The following FHIT variants were observed in gnomAD, a reference collection of about 807,000 sequenced individuals.
FHIT encodes the protein fragile histidine triad diadenosine triphosphatase.
A neutral mutation model predicts 17.9 loss-of-function variants in FHIT; 19 were observed. The observed-to-expected ratio is 1.06, with a 90% confidence interval of 0.74 to 1.56. FHIT has a LOEUF of 1.56. Ranked by LOEUF, FHIT falls within the 40% of genes most tolerant of loss-of-function variation. The probability of loss-of-function intolerance (pLI) is 0.00; values close to 1 mark genes in which losing one functional copy is unlikely to be tolerated. For missense variants in FHIT, 248 were observed against 189.2 expected, an observed-to-expected ratio of 1.31 and a Z score of -1.82; for synonymous variants, 81 against 69.7, an observed-to-expected ratio of 1.16 and a Z score of -0.81.
At chr3:59,995,663 T>C (rs954791563) in intron 7 of FHIT, among the ~76,000 whole-genome samples, 1 of 152,142 alleles carries the variant, frequency 6.6e-6, no homozygotes, top group Admixed American at 6.6e-5. Context: ...TTAGGCACCA[T>C]GCTTTGGAGA....
intron 5 of FHIT, among the ~76,000 whole-genome samples, chr3:60,164,458 C>T (rs893001842): frequency 3.3e-5 from 5 of 152,200 alleles, no homozygotes; most frequent in South Asian, 2.1e-4. Context: ...CACCATCCCA[C>T]GTTTCCGTGA....
chr3:61,165,237 C>T (rs1301074735), intron 2 of FHIT, among the ~76,000 whole-genome samples: 2 of 152,164 alleles, frequency 1.3e-5, no homozygotes, highest in East Asian at 3.9e-4. Flanking sequence ...CAGTGGCTGA[C>T]CTAATTTACA....
At chr3:60,936,135 T>G (rs1418668978) in intron 3 of FHIT, among the ~76,000 whole-genome samples, 2 of 152,264 alleles carry the variant, frequency 1.3e-5, no homozygotes, top group Non-Finnish European at 2.9e-5. Flanking sequence ...CTTAGTCCAT[T>G]AAAAATTAAT....
At chr3:59,992,708 G>C (rs1699337461) in intron 7 of FHIT, among the ~76,000 whole-genome samples, 1 of 152,070 alleles carries the variant, frequency 6.6e-6, no homozygotes, top group Non-Finnish European at 1.5e-5. Flanking sequence ...GCTTTGTGCA[G>C]AGAACAGCAG....
intron 5 of FHIT, among the ~76,000 whole-genome samples, chr3:60,145,621 A>G (rs1008680261): frequency 1.3e-5 from 2 of 152,190 alleles, no homozygotes; most frequent in African/African-American, 4.8e-5. Context: ...CATAGGATTC[A>G]CATGTGCAAA....
chr3:60,254,648 T>C (rs1705894555), intron 5 of FHIT, among the ~76,000 whole-genome samples: 1 of 152,174 alleles, frequency 6.6e-6, no homozygotes, highest in South Asian at 2.1e-4. Context: ...AGGAGTAATG[T>C]GGTATTTGGA....
chr3:59,784,973 G>A (rs1702769796), intron 8 of FHIT, among the ~76,000 whole-genome samples: 1 of 151,990 alleles, frequency 6.6e-6, no homozygotes, highest in Admixed American at 6.5e-5. Flanking sequence ...GCATCATGGG[G>A]AGGCCTCAGG....
intron 5 of FHIT, among the ~76,000 whole-genome samples, chr3:60,273,806 A>G (rs1430423794): frequency 6.6e-6 from 1 of 152,172 alleles, no homozygotes; most frequent in Non-Finnish European, 1.5e-5. Flanking sequence ...TGTAGATGAG[A>G]GCTGAGTCTT....
At chr3:60,824,698 G>T (rs1054611507) in intron 3 of FHIT, among the ~76,000 whole-genome samples, 1 of 152,062 alleles carries the variant, frequency 6.6e-6, no homozygotes, top group Admixed American at 6.5e-5. Flanking sequence ...AATCATGGGG[G>T]TGGGTCTCTC....
At chr3:60,553,546 GA>G (rs2036641592) in intron 4 of FHIT, among the ~76,000 whole-genome samples, 2 of 147,140 alleles carry the variant, frequency 1.4e-5, no homozygotes, top group South Asian at 2.1e-4. Flanking sequence ...GAGAGAGAGA[GA>G]GAGAGAGAGA....
intron 5 of FHIT, among the ~76,000 whole-genome samples, chr3:60,052,364 G>A (rs1701915716): frequency 6.6e-6 from 1 of 152,072 alleles, no homozygotes; most frequent in African/African-American, 2.4e-5. Context: ...CACAGGTCAT[G>A]TACTAAAGGG....
intron 4 of FHIT, among the ~76,000 whole-genome samples, chr3:60,781,676 A>G (rs550984793): frequency 4.7e-4 from 72 of 152,288 alleles, no homozygotes; most frequent in South Asian, 1.9e-3. Context: ...TTGTGAAAAT[A>G]TCACAATATA....
intron 5 of FHIT, among the ~76,000 whole-genome samples, chr3:60,397,557 G>A (rs1033284951): frequency 1.3e-5 from 2 of 152,190 alleles, no homozygotes; most frequent in Non-Finnish European, 2.9e-5. Context: ...ATCAAGGATA[G>A]CAGTAGCTGA....
intron 5 of FHIT, among the ~76,000 whole-genome samples, chr3:60,117,718 G>A (rs201701758): frequency 6.6e-6 from 1 of 152,064 alleles, no homozygotes; most frequent in Non-Finnish European, 1.5e-5. Context: ...GAATGCAGAT[G>A]AGCTGATTCC....
chr3:60,569,755 A>ACATATATATATATATATATTTT (rs1553654910), intron 4 of FHIT, among the ~76,000 whole-genome samples: 6 of 77,340 alleles, frequency 7.8e-5, no homozygotes, highest in African/African-American at 1.9e-4. Context: ...ATATATATAT[A>ACATATATATATATATATATTTT]TTTTTTTTTT....
intron 3 of FHIT, among the ~76,000 whole-genome samples, chr3:60,836,271 T>G (rs1702538162): frequency 6.6e-6 from 1 of 152,170 alleles, no homozygotes; most frequent in African/African-American, 2.4e-5. Flanking sequence ...GTTTTTCATA[T>G]CTGAGTAATA....
intron 8 of FHIT, among the ~76,000 whole-genome samples, chr3:59,820,455 A>T (rs903984128): frequency 6.6e-6 from 1 of 152,242 alleles, no homozygotes; most frequent in African/African-American, 2.4e-5. Flanking sequence ...CTTAGCAAAG[A>T]AGAGTTACTG....
intron 5 of FHIT, among the ~76,000 whole-genome samples, chr3:60,336,960 A>G (rs1043515094): frequency 3.3e-5 from 5 of 152,014 alleles, no homozygotes; most frequent in African/African-American, 1.2e-4. Flanking sequence ...AGATGTAGAC[A>G]GAGAGAAAAT....
rs549697787 is a variant in FHIT, at chr3:60,236,744, C to T, written c.104-222592G>A. ...ATACAGTAATATTTGAAAATATTCT[C>T]ACTGTAAAAAATTCAAACCATATAG... On this transcript the variant is annotated intron_variant, in intron 5 of 9. Coordinates refer to ENST00000492590, the MANE Select transcript of FHIT (RefSeq NM_002012.4). Among the ~76,000 whole-genome samples the T allele has an allele frequency of 2.0e-4, 31 of 152,102 alleles. No homozygotes were observed. In the South Asian group the frequency reaches 4.1e-3, roughly 20 times the overall value.
Sources: gnomAD v4.1 joint callset for allele counts (sites outside exome capture counted in the v4.1 genomes callset) on GRCh38, gnomAD v4.1.1 for gene constraint, MANE v1.5 for transcripts, NCBI Gene and HGNC (gene_info 2026-07-23, HGNC 2026-07-21) for gene names.